Variants in ATR observed in about 807,000 individuals in gnomAD.
ATR encodes the protein ATR checkpoint kinase, also known as serine/threonine-protein kinase ATR.
A neutral mutation model predicts 305.3 loss-of-function variants in ATR; 142 were observed. That is an observed-to-expected ratio of 0.47 (90% CI 0.41 to 0.53). The LOEUF (loss-of-function observed/expected upper bound fraction) is 0.53, where lower values mean the gene tolerates loss of function less well. ATR is among the 20% of genes least tolerant of loss of function. ATR has a pLI of 0.00. For synonymous variants in ATR, 1,050 were observed against 1,068.1 expected (o/e 0.98, Z 0.33); for missense variants, 2,135 against 3,133.1 (o/e 0.68, Z 7.60).
rs771919017 is a variant in ATR, at chr3:142,549,687, C to T, written c.2977-14G>A. 1.4e-5 allele frequency: 23 copies of T among 1,609,586 alleles called. No individual in the cohort carries two copies. Among genetic ancestry groups the T allele is most frequent in the Non-Finnish European group, 2.0e-5 (23 of 1,177,252 alleles). ...TTGTAATGTCCTCTGAAAAAGAATG[C>T]AACAATTACCAAAAAGTACATTTGT... On this transcript the variant is annotated splice_polypyrimidine_tract_variant and intron_variant, in intron 14 of 46. Coordinates refer to ENST00000350721, the MANE Select transcript of ATR (RefSeq NM_001184.4).
At chr3:142,484,943 CT>C (rs1334685347) in intron 36 of ATR, among the ~76,000 whole-genome samples, 196 bp downstream of exon 36, 1 of 152,126 alleles carries the variant, frequency 6.6e-6, no homozygotes, top group East Asian at 1.9e-4. Flanking sequence ...GTCTATATCA[CT>C]TTTTTCATTT....
chr3:142,528,854 C>CATATATATATAT lies in ATR; in HGVS notation c.3946-4667_3946-4656dup, dbSNP rs1191100552. Among the ~76,000 whole-genome samples the CATATATATATAT allele has an allele frequency of 2.4e-3, 159 of 65,684 alleles. 6 individuals carry two copies. The highest frequency in any genetic ancestry group is 3.2e-3 in the Non-Finnish European group (131 of 41,298). The allele number at this position is 65,684 out of a possible 152,430, so 43.1% of individuals were successfully genotyped here. On this transcript the variant is annotated intron_variant, in intron 21 of 46. Transcript: ENST00000350721. ...GTTTATACTTTTGTTCTGGAATTAT[C>CATATATATATAT]ATATATATATATATATATATATATA...
At chr3:142,544,716 C>G (rs1320120925) in intron 16 of ATR, among the ~76,000 whole-genome samples, 1 of 150,428 alleles carries the variant, frequency 6.6e-6, no homozygotes, top group Non-Finnish European at 1.5e-5. Context: ...GTTGAGGCAT[C>G]TGATTTAGGT....
chr3:142,450,093 G>C, intron 46 of ATR: 1 of 317,102 alleles, frequency 3.2e-6, no homozygotes, highest in Middle Eastern at 1.0e-3. Flanking sequence ...AGGTGGTGCT[G>C]GGTGGGCTGG....
chr3:142,476,461 T>G (rs2071453515), intron 36 of ATR, among the ~76,000 whole-genome samples: 2 of 152,172 alleles, frequency 1.3e-5, no homozygotes, highest in African/African-American at 4.8e-5. Flanking sequence ...ATATCTCTGT[T>G]TTGGTACCAG....
Position 142,471,758 on chromosome 3 carries a change from A to T in ATR, c.6222-1575T>A, listed in dbSNP as rs80086085. Among the ~76,000 whole-genome samples the T allele has an allele frequency of 6.1e-3, 933 of 152,256 alleles. 5 individuals are homozygous for T. Among genetic ancestry groups the T allele is most frequent in the Non-Finnish European group, 9.5e-3 (643 of 68,022 alleles). ...TTTATTTTGTTGTGGAATAAAATCT[A>T]TTCTCAGCAATTTTCAATACAAAAC... On this transcript the variant is annotated intron_variant, in intron 36 of 46. Coordinates refer to ENST00000350721, the MANE Select transcript of ATR (RefSeq NM_001184.4).
intron 28 of ATR, among the ~76,000 whole-genome samples, chr3:142,507,132 T>G (rs1577592134): frequency 6.6e-6 from 1 of 152,332 alleles, no homozygotes; most frequent in African/African-American, 2.4e-5. Flanking sequence ...ATATTCATCT[T>G]AAGACTGCAA....
At position 142,562,955 on chromosome 3, in the gene ATR, T is replaced by C. The variant is rs374777724; in HGVS notation, c.447A>G (p.Leu149=). ...AAACCAAGTCTTCAAAAAGTTGTAA[T>C]AATTCTTTTGTGAGTACCCCAAAAA... The part of the protein sequence containing the change: ...PAIFGVLTKE[L]LQLFEDLVYL... The change falls in exon 4 of 47, where the codon TTA becomes TTG. Residue 149 remains leucine (L), a synonymous_variant. Transcript: ENST00000350721. 1.2e-6 allele frequency: 2 copies of C among 1,612,594 alleles called. No individual in the cohort carries two copies. The highest frequency in any genetic ancestry group is 2.7e-5 in the African/African-American group (2 of 74,862).
At chr3:142,549,956 T>C (rs2034414602) in intron 14 of ATR, among the ~76,000 whole-genome samples, 176 bp downstream of exon 14, 1 of 152,202 alleles carries the variant, frequency 6.6e-6, no homozygotes, top group South Asian at 2.1e-4. Flanking sequence ...TTGATTAGCA[T>C]TATTCAATTA....
Position 142,462,327 on chromosome 3 carries a change from C to A in ATR, c.7042-237G>T, listed in dbSNP as rs370614468. 2.6e-5 allele frequency among the ~76,000 whole-genome samples: 4 copies of A among 152,122 alleles called. No homozygotes were observed. The South Asian group carries it at 6.2e-4, about 24-fold the overall frequency. On this transcript the variant is annotated intron_variant, in intron 41 of 46. Coordinates refer to ENST00000350721, the MANE Select transcript of ATR (RefSeq NM_001184.4). ...GGGTAGGTCCTTCTTTTTAATTATT[C>A]ACTATTAATGTGACAAGAATATTGT...
At position 142,522,759 on chromosome 3, in the gene ATR, C is replaced by T. The variant is rs371292374; in HGVS notation, c.4235G>A (p.Arg1412Gln). ...RAYLAYADNSRAQDSAAYAIQ... is the reference protein window; with the variant it reads ...RAYLAYADNSQAQDSAAYAIQ... Reference sequence around the variant, plus strand: ...GGCATAGGCAGCTGAATCTTGAGCTCGGCTATTATCAGCATACGCAAGGTA... The same window carrying T: ...GGCATAGGCAGCTGAATCTTGAGCTTGGCTATTATCAGCATACGCAAGGTA... Residue 1412 changes from arginine to glutamine, a missense_variant, in exon 23 of 47, where the codon CGA becomes CAA. Transcript: ENST00000350721. 31 of 1,613,456 alleles carry T rather than the reference C, an allele frequency of 1.9e-5. No homozygotes were observed. Among genetic ancestry groups the T allele is most frequent in the African/African-American group, 4.0e-5 (3 of 74,778 alleles).
At chr3:142,577,108 T>G (rs1298925361) in intron 1 of ATR, among the ~76,000 whole-genome samples, 1 of 152,228 alleles carries the variant, frequency 6.6e-6, no homozygotes, top group Non-Finnish European at 1.5e-5. Flanking sequence ...TTGATTAGCT[T>G]TTTTGATTCA....
At chr3:142,538,936 G>C (rs547083528) in intron 18 of ATR, among the ~76,000 whole-genome samples, 2 of 152,102 alleles carry the variant, frequency 1.3e-5, no homozygotes, top group Non-Finnish European at 2.9e-5. Flanking sequence ...GATATCTGTA[G>C]AGGTCGAAAT....
intron 46 of ATR, chr3:142,452,352 G>T: frequency 1.0e-6 from 1 of 986,636 alleles, no homozygotes; most frequent in Non-Finnish European, 1.2e-6. Context: ...CAAAAAAAAC[G>T]AATCCTCAAT....
chr3:142,561,180 T>A, intron 5 of ATR, 63 bp downstream of exon 5: 1 of 1,559,510 alleles, frequency 6.4e-7, no homozygotes, highest in Non-Finnish European at 8.8e-7. Context: ...CTAAAGCTGA[T>A]TTTTAAAAGT....
rs1297371924 is a variant in ATR at position 142,556,144 on chromosome 3, G to A, written c.2079-5C>T. ...GAATCATCTTTGACTTTATCTCTGG[G>A]GAAAAAAAAGAAAAAGTACTAAACT... On this transcript the variant is annotated splice_polypyrimidine_tract_variant and splice_region_variant and intron_variant, in intron 9 of 46. Coordinates refer to ENST00000350721, the MANE Select transcript of ATR (RefSeq NM_001184.4). The A allele has an allele frequency of 1.2e-6, 2 of 1,607,346 alleles. No individual in the cohort carries two copies. The highest frequency in any genetic ancestry group is 1.7e-5 in the Admixed American group (1 of 58,498).
chr3:142,458,906 A>G, intron 44 of ATR, 52 bp downstream of exon 44: 2 of 1,585,626 alleles, frequency 1.3e-6, no homozygotes, highest in Non-Finnish European at 1.7e-6. Context: ...AGTTGTTGAG[A>G]AAAGGAAATT....
intron 27 of ATR, 28 bp downstream of exon 27, chr3:142,512,232 A>G (rs1224356905): frequency 1.3e-6 from 2 of 1,557,362 alleles, no homozygotes; most frequent in Admixed American, 1.8e-5. Context: ...AAAAAAAAAA[A>G]AAAAAAGAAA....
intron 36 of ATR, among the ~76,000 whole-genome samples, chr3:142,475,827 T>C (rs1206894142): frequency 6.6e-6 from 1 of 152,238 alleles, no homozygotes; most frequent in Admixed American, 6.5e-5. Flanking sequence ...GTGGTTTTGA[T>C]TTGCATTTCT....
Sources: allele counts gnomAD v4.1 joint callset (sites outside exome capture counted in the v4.1 genomes callset), GRCh38; gene constraint gnomAD v4.1.1; transcripts MANE v1.5; gene names NCBI Gene and HGNC (gene_info 2026-07-23, HGNC 2026-07-21).